The following ACTR3C variants were observed in gnomAD, a reference collection of about 807,000 sequenced individuals.
ACTR3C encodes actin-related protein 3C.
Under a neutral mutation model 26.3 loss-of-function variants are expected in ACTR3C, and 18 were observed. That is an observed-to-expected ratio of 0.68 (90% CI 0.47 to 1.01). The LOEUF (loss-of-function observed/expected upper bound fraction) is 1.01, where lower values mean the gene tolerates loss of function less well. Among genes scored for constraint, ACTR3C ranks in the 50% least tolerant of loss-of-function variants. The pLI is 0.00. For missense variants in ACTR3C, 184 were observed against 250.7 expected, an observed-to-expected ratio of 0.73 and a Z score of 1.80; for synonymous variants, 55 against 94.5, an observed-to-expected ratio of 0.58 and a Z score of 2.42.
the ACTR3C span, among the ~76,000 whole-genome samples, chr7:150,161,255 T>C: frequency 2.9e-5 from 4 of 139,566 alleles, no homozygotes; most frequent in African/African-American, 5.6e-5. Context: ...AGGGTACATG[T>C]GCACAACATG....
chr7:149,987,465 G>T, the ACTR3C span, among the ~76,000 whole-genome samples: 1 of 147,810 alleles, frequency 6.8e-6, no homozygotes, highest in East Asian at 2.0e-4. Context: ...TACTCAGGAG[G>T]CTGAGACAGG....
At chr7:150,103,178 T>A in the ACTR3C span, among the ~76,000 whole-genome samples, 1 of 151,926 alleles carries the variant, frequency 6.6e-6, no homozygotes, top group East Asian at 1.9e-4. Flanking sequence ...CCTTAAGTGA[T>A]CACCAGGTGA....
At chr7:150,298,974 C>CTTTTTTTT (rs550994860) in intron 1 of ACTR3C, among the ~76,000 whole-genome samples, 3 of 82,516 alleles carry the variant, frequency 3.6e-5, no homozygotes, top group Non-Finnish European at 6.5e-5. Flanking sequence ...GTAATGAAAA[C>CTTTTTTTT]TTTTTTTTTT....
intron 5 of ACTR3C, 66 bp downstream of exon 5, chr7:150,286,301 T>C (rs1031867297): frequency 3.3e-5 from 51 of 1,552,564 alleles, no homozygotes; most frequent in South Asian, 8.8e-5. Context: ...AACTGCTCTT[T>C]CTACACTCTG....
intron 6 of ACTR3C, among the ~76,000 whole-genome samples, chr7:150,275,438 C>T (rs1418960223): frequency 2.0e-5 from 3 of 152,214 alleles, no homozygotes; most frequent in East Asian, 1.9e-4. Flanking sequence ...CAACCAGGCG[C>T]GGTGGCTCAC....
downstream of ACTR3C, chr7:150,244,127 T>C (rs1832338446): frequency 7.6e-6 from 1 of 131,668 alleles, no homozygotes; most frequent in East Asian, 2.1e-4. Flanking sequence ...TTCAATATAG[T>C]CTTAGAATAT....
the ACTR3C span, among the ~76,000 whole-genome samples, chr7:150,197,984 G>C: frequency 6.6e-6 from 1 of 151,110 alleles, no homozygotes; most frequent in East Asian, 1.9e-4. Context: ...CCTGCCGAGT[G>C]CCTGTGATTG....
the ACTR3C span, among the ~76,000 whole-genome samples, chr7:150,097,949 C>T: frequency 2.5e-4 from 38 of 151,528 alleles, 1 homozygote; most frequent in South Asian, 2.5e-3. Context: ...TATGACATGG[C>T]CCCTCCCTCA....
downstream of ACTR3C, chr7:150,245,643 T>C (rs892959062): frequency 2.0e-5 from 3 of 152,010 alleles, no homozygotes; most frequent in African/African-American, 4.8e-5. Flanking sequence ...TATTGGTGAG[T>C]GTGAGCAATT....
intron 6 of ACTR3C, among the ~76,000 whole-genome samples, chr7:150,250,577 C>T (rs1276753532): frequency 6.6e-6 from 1 of 151,738 alleles, no homozygotes; most frequent in Non-Finnish European, 1.5e-5. Flanking sequence ...AGGTGCAGTA[C>T]GACGGATTAG....
rs115799683 is a variant in ACTR3C at position 150,307,601 on chromosome 7, G to A, written c.-51-12254C>T. 6.7e-3 allele frequency among the ~76,000 whole-genome samples: 1,025 copies of A among 151,974 alleles called. 17 individuals are homozygous for A. The highest frequency in any genetic ancestry group is 0.023 in the African/African-American group (938 of 41,440). On this transcript the variant is annotated intron_variant, in intron 1 of 7. Transcript: ENST00000683684. Reference sequence around the variant, plus strand: ...AGCAACCCCTTCCCCATCTCCCTTCGACGCCTTTTTCAGACTCAGTCCGCC... The same window carrying A: ...AGCAACCCCTTCCCCATCTCCCTTCAACGCCTTTTTCAGACTCAGTCCGCC...
chr7:149,931,274 G>A, the ACTR3C span, among the ~76,000 whole-genome samples: 1 of 152,180 alleles, frequency 6.6e-6, no homozygotes, highest in African/African-American at 2.4e-5. Context: ...AAAGTTCTTC[G>A]GGGGAGGATT....
At chr7:150,268,106 G>T (rs1248847485) in intron 6 of ACTR3C, among the ~76,000 whole-genome samples, 1 of 151,864 alleles carries the variant, frequency 6.6e-6, no homozygotes, top group African/African-American at 2.4e-5. Flanking sequence ...TAAATGAGAA[G>T]AAAGATGCCC....
the ACTR3C span, among the ~76,000 whole-genome samples, chr7:149,921,646 G>A: frequency 6.6e-6 from 1 of 152,176 alleles, no homozygotes; most frequent in African/African-American, 2.4e-5. Flanking sequence ...GGAGGCTGAG[G>A]CAGGCAGATC....
At chr7:150,278,496 C>G (rs1174340121) in intron 6 of ACTR3C, among the ~76,000 whole-genome samples, 7 of 152,214 alleles carry the variant, frequency 4.6e-5, no homozygotes, top group Admixed American at 3.9e-4. Flanking sequence ...TCTTGCGGCT[C>G]TCCCAGCACA....
the ACTR3C span, among the ~76,000 whole-genome samples, chr7:150,236,541 G>A: frequency 6.6e-6 from 1 of 152,334 alleles, no homozygotes; most frequent in African/African-American, 2.4e-5. Context: ...ATCATGTAAA[G>A]TAAGTAAATG....
chr7:150,270,784 T>C (rs1205527467), intron 6 of ACTR3C, among the ~76,000 whole-genome samples: 1 of 151,552 alleles, frequency 6.6e-6, no homozygotes, highest in African/African-American at 2.4e-5. Flanking sequence ...GTTTCTCTCT[T>C]TCCTTGGCAC....
At chr7:149,927,636 G>A in the ACTR3C span, among the ~76,000 whole-genome samples, 15 of 151,384 alleles carry the variant, frequency 9.9e-5, no homozygotes, top group African/African-American at 3.4e-4. Context: ...GCTGAGGCAG[G>A]AGAATCACTT....
the ACTR3C span, among the ~76,000 whole-genome samples, chr7:150,190,075 TTTG>T: frequency 6.6e-6 from 1 of 152,214 alleles, no homozygotes; most frequent in Non-Finnish European, 1.5e-5. Context: ...AGCTTGTTGT[TTTG>T]TTGTTGTTCT....
Sources: gnomAD v4.1 joint callset for allele counts (sites outside exome capture counted in the v4.1 genomes callset) on GRCh38, gnomAD v4.1.1 for gene constraint, MANE v1.5 for transcripts, NCBI Gene and HGNC (gene_info 2026-07-23, HGNC 2026-07-21) for gene names.